The following IRF4 variants were observed in gnomAD, a reference collection of about 807,000 sequenced individuals.
IRF4 encodes the protein lymphocyte-specific interferon regulatory factor.
IRF4 carries 13 observed loss-of-function variants against 55.5 expected under a neutral mutation model. The ratio of observed to expected loss-of-function variants is 0.23; its 90% CI spans 0.15 to 0.37. The LOEUF is 0.37. Among genes scored for constraint, IRF4 ranks in the 10% least tolerant of loss-of-function variants. The pLI, the probability that IRF4 is intolerant of heterozygous loss-of-function variation, is 1.00. For missense variants in IRF4, 397 were observed against 593.8 expected (o/e 0.67, Z 3.44); for synonymous variants, 249 against 240.7 (o/e 1.03, Z -0.32).
At position 408,488 on chromosome 6, in the gene IRF4, G is replaced by C. The variant is rs188462828; in HGVS notation, c.*890G>C. On this transcript the variant is annotated 3_prime_UTR_variant, in exon 9 of 9. Coordinates refer to ENST00000380956, the MANE Select transcript of IRF4 (RefSeq NM_002460.4). ...AAACATGAGCGCTACTCTTGGATGG[G>C]ACATTTTTGTCTGTCCTACAATCTA... 4.3e-6 allele frequency: 1 copy of C among 229,996 alleles called. No individual in the cohort carries two copies. The highest frequency in any genetic ancestry group is 8.6e-6 in the Non-Finnish European group (1 of 115,986). The allele number at this position is 229,996 out of a possible 1,614,324, so 14.2% of individuals were successfully genotyped here.
intron 5 of IRF4, among the ~76,000 whole-genome samples, chr6:398,410 G>A (rs1761321337): frequency 6.6e-6 from 1 of 152,222 alleles, no homozygotes; most frequent in Non-Finnish European, 1.5e-5. Context: ...CAAGAGACAA[G>A]CAAAATAAAA....
At chr6:392,964 C>A (rs1029734576) in intron 1 of IRF4, 134 bp from the exon 2 acceptor site, 2 of 526,394 alleles carry the variant, frequency 3.8e-6, no homozygotes, top group Non-Finnish European at 6.5e-6. Flanking sequence ...GGGGCCCGGA[C>A]GACCCTGACA....
At chr6:394,632 C>A (rs200743910) in intron 2 of IRF4, among the ~76,000 whole-genome samples, 189 bp from the exon 3 acceptor site, 1 of 152,156 alleles carries the variant, frequency 6.6e-6, no homozygotes, top group East Asian at 1.9e-4. Flanking sequence ...ACCTGTAGGC[C>A]GAGGGCCCAG....
At chr6:406,824 T>C in intron 8 of IRF4, 1 of 1,181,838 alleles carries the variant, frequency 8.5e-7, no homozygotes, top group Non-Finnish European at 1.1e-6. Flanking sequence ...ATATCATGAT[T>C]GATGGAGAGC....
At chr6:395,702 G>A in intron 3 of IRF4, 145 bp from the exon 4 acceptor site, 1 of 654,688 alleles carries the variant, frequency 1.5e-6, no homozygotes, top group South Asian at 1.9e-5. Context: ...CTTCCCAAGG[G>A]AGTTGCTGAA....
rs1761555440 is a variant in IRF4, at chr6:406,737, T to C, written c.1213-718T>C. 3.5e-6 allele frequency: 4 copies of C among 1,145,176 alleles called. No individual in the cohort carries two copies. In the South Asian group the frequency reaches 6.0e-5, roughly 17 times the overall value. The allele number at this position is 1,145,176 out of a possible 1,614,324, so 70.9% of individuals were successfully genotyped here. On this transcript the variant is annotated intron_variant, in intron 8 of 8. Transcript: ENST00000380956. Reference sequence around the variant, plus strand: ...ACGTGTACACCTATGAGTTCCACTTTTAAAAATTATTAATTTAATTCATTT... The same window carrying C: ...ACGTGTACACCTATGAGTTCCACTTCTAAAAATTATTAATTTAATTCATTT...
In IRF4 at chr6:401,520, C is replaced by T. The variant is rs751008894; in HGVS notation, c.842C>T (p.Thr281Met). 19 of 1,614,062 alleles carry T rather than the reference C, an allele frequency of 1.2e-5. No individual in the cohort carries two copies. The highest frequency in any genetic ancestry group is 1.4e-5 in the Non-Finnish European group (17 of 1,180,028). Residue 281 changes from threonine (T) to methionine (M), a missense_variant, in exon 7 of 9, where the codon ACG (threonine) becomes ATG (methionine). Coordinates refer to ENST00000380956, the MANE Select transcript of IRF4 (RefSeq NM_002460.4). ...PEGCRISHGH[T>M]YDASNLDQVL... ...GGCTGCCGGATCTCCCATGGACATA[C>T]GTATGACGCCAGCAACCTGGACCAG...
intron 1 of IRF4, among the ~76,000 whole-genome samples, chr6:392,429 G>C (rs1351530208): frequency 6.6e-6 from 1 of 152,250 alleles, no homozygotes; most frequent in Non-Finnish European, 1.5e-5. Flanking sequence ...GGCCTGCTCC[G>C]GGGTCCGGCG....
intron 8 of IRF4, among the ~76,000 whole-genome samples, chr6:406,340 G>T (rs774943586): frequency 3.3e-5 from 5 of 152,120 alleles, no homozygotes; most frequent in Non-Finnish European, 7.4e-5. Flanking sequence ...TCAGGAGTTC[G>T]AGACCAGCCT....
At chr6:402,708 T>C (rs1761436967) in intron 7 of IRF4, among the ~76,000 whole-genome samples, 1 of 152,256 alleles carries the variant, frequency 6.6e-6, no homozygotes, top group African/African-American at 2.4e-5. Context: ...AGATTTTCTT[T>C]TGGTGCCCAA....
rs765634575 is a variant in IRF4 at position 401,510 on chromosome 6, C to A, written c.832C>A (p.His278Asn). ...CAGCCCCGAGGGCTGCCGGATCTCCCATGGACATACGTATGACGCCAGCAA... is the reference window on the plus strand; with the variant it reads ...CAGCCCCGAGGGCTGCCGGATCTCCAATGGACATACGTATGACGCCAGCAA... The part of the protein sequence containing the change: ...TSSPEGCRIS[H>N]GHTYDASNLD... Residue 278 changes from histidine (H) to asparagine (N), a missense_variant, in exon 7 of 9, where the codon CAT becomes AAT. Physicochemically the swap from His to Asn is moderately conservative, Grantham distance 68 (BLOSUM62 1). This residue lies in a region of IRF4 where 341 missense variants were observed against 548.1 expected (regional missense o/e 0.62). Transcript: ENST00000380956. 2 of 1,614,042 alleles carry A rather than the reference C, an allele frequency of 1.2e-6. No homozygotes were observed. Among genetic ancestry groups the A allele is most frequent in the East Asian group, 4.5e-5 (2 of 44,884 alleles).
At chr6:406,947 G>C in intron 8 of IRF4, 1 of 1,004,100 alleles carries the variant, frequency 1.0e-6, no homozygotes, top group Non-Finnish European at 1.2e-6. Flanking sequence ...TTTGAGGCCA[G>C]TTAGCTTCTC....
chr6:408,883 A>G lies in IRF4; in HGVS notation c.*1285A>G. 4.3e-6 allele frequency: 1 copy of G among 231,742 alleles called. No individual in the cohort carries two copies. The allele number at this position is 231,742 out of a possible 1,614,324, so 14.4% of individuals were successfully genotyped here. ...TTCTATGCTTCCTCGTGCCAATTATAGTTTGACAGGGCCTTAAAATTACTT... is the reference window on the plus strand; with the variant it reads ...TTCTATGCTTCCTCGTGCCAATTATGGTTTGACAGGGCCTTAAAATTACTT... On this transcript the variant is annotated 3_prime_UTR_variant, in exon 9 of 9. Coordinates refer to ENST00000380956, the MANE Select transcript of IRF4 (RefSeq NM_002460.4).
intron 8 of IRF4, among the ~76,000 whole-genome samples, chr6:405,734 G>T (rs1761527559): frequency 6.6e-6 from 1 of 152,146 alleles, no homozygotes; most frequent in Non-Finnish European, 1.5e-5. Flanking sequence ...CTCAAGATGG[G>T]TTCAACTGTG....
Position 409,135 on chromosome 6 carries a change from T to C in IRF4, c.*1537T>C, listed in dbSNP as rs1761627092. The C allele has an allele frequency of 1.4e-5, 3 of 212,566 alleles. No individual in the cohort carries two copies. The highest frequency in any genetic ancestry group is 2.9e-5 in the Non-Finnish European group (3 of 104,794). The allele number at this position is 212,566 out of a possible 1,614,324, so 13.2% of individuals were successfully genotyped here. On this transcript the variant is annotated 3_prime_UTR_variant, in exon 9 of 9. Transcript: ENST00000380956. ...TGCTTTTCTAATGGATATTTTAAAT[T>C]CATTCAACAAGCACCTAGTAAGTGC...
rs1186091986 is a variant in IRF4 at position 393,928 on chromosome 6, G to A, written c.216+560G>A. On this transcript the variant is annotated intron_variant, in intron 2 of 8. Transcript: ENST00000380956. The surrounding 1 kb of genome is among the most constrained non-coding windows in gnomAD (Gnocchi z 5.4). ...TACTCCCACCTCTGTCTTTCTCTTT[G>A]TGTGTCTCTGTCTCTCTCTTTCCCC... 6.6e-6 allele frequency among the ~76,000 whole-genome samples: 1 copy of A among 152,072 alleles called. No homozygotes were observed. The highest frequency in any genetic ancestry group is 1.5e-5 in the Non-Finnish European group (1 of 68,016).
chr6:395,293 A>G (rs1389580931), intron 3 of IRF4, among the ~76,000 whole-genome samples: 1 of 152,110 alleles, frequency 6.6e-6, no homozygotes, highest in Non-Finnish European at 1.5e-5. Context: ...AAAAAAAAAG[A>G]AAAAAGAAAA....
rs1277452378 is a variant in IRF4 at position 411,021 on chromosome 6, G to A, written c.*3423G>A. 5 of 233,016 alleles carry A rather than the reference G, an allele frequency of 2.1e-5. No homozygotes were observed. The highest frequency in any genetic ancestry group is 1.1e-4 in the African/African-American group (5 of 45,300). The allele number at this position is 233,016 out of a possible 1,614,324, so 14.4% of individuals were successfully genotyped here. On this transcript the variant is annotated 3_prime_UTR_variant, in exon 9 of 9. Coordinates refer to ENST00000380956, the MANE Select transcript of IRF4 (RefSeq NM_002460.4). ...GTTTTTTTTTGTATTGATTTTCACA[G>A]CTTTGAGGAACATGCATAAGAAATG...
At chr6:392,312 T>C (rs1199644904) in intron 1 of IRF4, among the ~76,000 whole-genome samples, 1 of 152,234 alleles carries the variant, frequency 6.6e-6, no homozygotes, top group Non-Finnish European at 1.5e-5. Flanking sequence ...TTTGGGTCGC[T>C]CCGAGCCTTG....
Sources: allele counts gnomAD v4.1 joint callset (sites outside exome capture counted in the v4.1 genomes callset), GRCh38; gene constraint gnomAD v4.1.1; regional missense constraint gnomAD v4.1.1; non-coding constraint Gnocchi (gnomAD v3.1); transcripts MANE v1.5; gene names NCBI Gene and HGNC (gene_info 2026-07-23, HGNC 2026-07-21).